Variants in SCAF11 observed in about 807,000 individuals in gnomAD.
SCAF11 encodes SR-related CTD associated factor 11.
SCAF11 carries 47 observed loss-of-function variants against 140.5 expected under a neutral mutation model. The ratio of observed to expected loss-of-function variants is 0.33; its 90% CI spans 0.26 to 0.43. SCAF11 has a LOEUF of 0.43. SCAF11 is among the 20% of genes least tolerant of loss of function. The pLI is 1.00. For synonymous variants in SCAF11, 557 were observed against 579.4 expected (o/e 0.96, Z 0.55); for missense variants, 1,645 against 1,705.1 (o/e 0.96, Z 0.62).
At chr12:45,941,146 T>C (rs545853367) in intron 6 of SCAF11, among the ~76,000 whole-genome samples, 1 of 152,302 alleles carries the variant, frequency 6.6e-6, no homozygotes, top group African/African-American at 2.4e-5. Context: ...CAACACAAAC[T>C]GTTCACCATT....
intron 1 of SCAF11, among the ~76,000 whole-genome samples, chr12:45,977,096 C>A (rs569490124): frequency 6.6e-6 from 1 of 152,086 alleles, no homozygotes; most frequent in African/African-American, 2.4e-5. Flanking sequence ...CAAATCAACA[C>A]AATCTCTTCC....
upstream of SCAF11, chr12:45,990,619 C>CT: frequency 1.6e-6 from 2 of 1,213,320 alleles, no homozygotes; most frequent in Non-Finnish European, 2.1e-6. Context: ...CCTCCCCTCC[C>CT]TGCGCGTCTC....
intron 4 of SCAF11, 126 bp downstream of exon 4, chr12:45,951,524 G>T: frequency 1.7e-6 from 1 of 579,532 alleles, no homozygotes; most frequent in Non-Finnish European, 3.1e-6. Flanking sequence ...ATCATGCTAA[G>T]GAGGATTAAA....
chr12:45,968,660 G>A (rs559139018), intron 1 of SCAF11, among the ~76,000 whole-genome samples: 96 of 152,244 alleles, frequency 6.3e-4, no homozygotes, highest in African/African-American at 2.2e-3. Context: ...TGGTAGTGAC[G>A]CAGGGCACAG....
Position 45,948,529 on chromosome 12 carries a change from T to A in SCAF11, c.306A>T (p.Val102=), listed in dbSNP as rs763336674. 2 of 1,605,100 alleles carry A rather than the reference T, an allele frequency of 1.2e-6. No homozygotes were observed. Among genetic ancestry groups the A allele is most frequent in the African/African-American group, 2.7e-5 (2 of 74,600 alleles). ...CTTTTGTTTCTCTCAGCTGTTTTTTTACTTGAACCTATGAGAAAAGCAAAA... is the reference window on the plus strand; with the variant it reads ...CTTTTGTTTCTCTCAGCTGTTTTTTAACTTGAACCTATGAGAAAAGCAAAA... ...SALEGYVKVQ[V]KKQLRETKDK... The change falls in exon 5 of 15, where the codon GTA becomes GTT. Residue 102 remains valine (V), a synonymous_variant. Coordinates refer to ENST00000369367, the MANE Select transcript of SCAF11 (RefSeq NM_004719.3).
chr12:45,948,349 A>T, intron 5 of SCAF11, 88 bp downstream of exon 5: 40 of 765,452 alleles, frequency 5.2e-5, no homozygotes, highest in Non-Finnish European at 8.2e-5. Flanking sequence ...ATACATTTAA[A>T]CCCCACTTCA....
At chr12:45,969,062 TA>T (rs1946014034) in intron 1 of SCAF11, among the ~76,000 whole-genome samples, 1 of 152,248 alleles carries the variant, frequency 6.6e-6, no homozygotes, top group South Asian at 2.1e-4. Context: ...AACTAAATTT[TA>T]AATTTTTGTG....
intron 6 of SCAF11, among the ~76,000 whole-genome samples, chr12:45,937,753 T>C (rs1945204159): frequency 6.6e-6 from 1 of 152,218 alleles, no homozygotes. Context: ...GGTAGAGGAC[T>C]AGAAGCCTCA....
chr12:45,948,117 G>A (rs948185309), intron 5 of SCAF11, among the ~76,000 whole-genome samples: 3 of 152,108 alleles, frequency 2.0e-5, no homozygotes, highest in African/African-American at 4.8e-5. Context: ...CAGAGGAGGG[G>A]AGGACGGTCC....
At chr12:45,959,855 G>A (rs941264918) in intron 3 of SCAF11, among the ~76,000 whole-genome samples, 2 of 152,140 alleles carry the variant, frequency 1.3e-5, no homozygotes, top group African/African-American at 4.8e-5. Flanking sequence ...AAATAATTCA[G>A]AATGTTCTGT....
chr12:45,990,344 A>C lies in SCAF11; in HGVS notation c.-22+9T>G, dbSNP rs1207126805. 10 of 1,231,706 alleles carry C rather than the reference A, an allele frequency of 8.1e-6. No homozygotes were observed. The highest frequency in any genetic ancestry group is 9.1e-6 in the Non-Finnish European group (9 of 988,142). 76.3% of individuals were successfully genotyped at this position (1,231,706 alleles called of 1,614,324 possible). A position where few individuals can be genotyped will look rare whatever the true frequency, so the allele number is the denominator to read the frequency against. The stretch of plus-strand genomic sequence containing the variant: ...AGCCCATCCACCCCGCGGGTCGACC[A>C]GTGTTTACCTCAGACCGAGGTCGAG... On this transcript the variant is annotated intron_variant, in intron 1 of 14. Coordinates refer to ENST00000369367, the MANE Select transcript of SCAF11 (RefSeq NM_004719.3).
At chr12:45,964,517 A>G (rs1396048634) in intron 1 of SCAF11, among the ~76,000 whole-genome samples, 2 of 152,098 alleles carry the variant, frequency 1.3e-5, no homozygotes, top group Admixed American at 6.5e-5. Context: ...AACACAAAAA[A>G]TTAGCCGGGC....
At chr12:45,939,920 C>A (rs1945256323) in intron 6 of SCAF11, among the ~76,000 whole-genome samples, 1 of 152,184 alleles carries the variant, frequency 6.6e-6, no homozygotes, top group Non-Finnish European at 1.5e-5. Flanking sequence ...TTTGCACAAT[C>A]CCCCACTAAC....
At chr12:45,956,871 T>C (rs1479095785) in intron 3 of SCAF11, among the ~76,000 whole-genome samples, 1 of 152,334 alleles carries the variant, frequency 6.6e-6, no homozygotes, top group South Asian at 2.1e-4. Flanking sequence ...TAAATTCTTT[T>C]AGATATATGC....
intron 1 of SCAF11, among the ~76,000 whole-genome samples, chr12:45,977,618 A>G (rs1221470402): frequency 6.6e-6 from 1 of 152,206 alleles, no homozygotes; most frequent in African/African-American, 2.4e-5. Flanking sequence ...CAATTTTTTG[A>G]AAATATTATG....
At chr12:45,924,446 T>C (rs1178031729) in intron 12 of SCAF11, among the ~76,000 whole-genome samples, 1 of 152,214 alleles carries the variant, frequency 6.6e-6, no homozygotes, top group Non-Finnish European at 1.5e-5. Flanking sequence ...ATTTGGCTTA[T>C]AATTTGGTTT....
chr12:45,945,219 G>C (rs774266732), intron 6 of SCAF11, 30 bp downstream of exon 6: 2 of 1,348,538 alleles, frequency 1.5e-6, no homozygotes, highest in East Asian at 2.3e-5. Flanking sequence ...CAAAAAAAAA[G>C]GTAGAATCCA....
At position 45,919,616 on chromosome 12, in the gene SCAF11, AT is replaced by A. The variant is rs1172910003; in HGVS notation, c.*2431del. On this transcript the variant is annotated 3_prime_UTR_variant, in exon 15 of 15. Transcript: ENST00000369367. The stretch of plus-strand genomic sequence containing the variant: ...AGAATGAGGAATATTAAAGCAATGT[AT>A]TTTTTCAACATAAAGCATGCATTTT... The A allele has an allele frequency of 6.6e-6, 1 of 152,208 alleles. No homozygotes were observed. The highest frequency in any genetic ancestry group is 1.5e-5 in the Non-Finnish European group (1 of 68,018). 9.4% of individuals were successfully genotyped at this position (152,208 alleles called of 1,614,324 possible).
chr12:45,981,279 A>G (rs1946344126), intron 1 of SCAF11, among the ~76,000 whole-genome samples: 1 of 152,318 alleles, frequency 6.6e-6, no homozygotes, highest in East Asian at 1.9e-4. Context: ...TGTTAATGAG[A>G]AAGGAAACAG....
Sources: gnomAD v4.1 joint callset for allele counts (sites outside exome capture counted in the v4.1 genomes callset) on GRCh38, gnomAD v4.1.1 for gene constraint, MANE v1.5 for transcripts, NCBI Gene and HGNC (gene_info 2026-07-23, HGNC 2026-07-21) for gene names.